The following ULK4 variants were observed in gnomAD, a reference collection of about 807,000 sequenced individuals.
ULK4 encodes inactive serine/threonine-protein kinase ULK4.
A neutral mutation model predicts 160.6 loss-of-function variants in ULK4; 133 were observed. The ratio of observed to expected loss-of-function variants is 0.83; its 90% confidence interval spans 0.72 to 0.96. ULK4 has a LOEUF of 0.96. ULK4 is among the 40% of genes least tolerant of loss of function. The pLI is 0.00. For synonymous variants in ULK4, 534 were observed against 539.8 expected (o/e 0.99, Z 0.15); for missense variants, 1,580 against 1,499.5 (o/e 1.05, Z -0.89).
intron 35 of ULK4, among the ~76,000 whole-genome samples, chr3:41,331,688 A>G (rs1427077214): frequency 6.6e-6 from 1 of 152,212 alleles, no homozygotes; most frequent in East Asian, 1.9e-4. Flanking sequence ...ACCACTCACC[A>G]TCATCTTTGC....
At chr3:41,271,907 T>C (rs920556955) in intron 35 of ULK4, among the ~76,000 whole-genome samples, 20 of 152,108 alleles carry the variant, frequency 1.3e-4, no homozygotes, top group African/African-American at 4.3e-4. Context: ...CCAGATTTCT[T>C]ATTTTTTACT....
At chr3:41,752,406 T>G (rs1168500757) in intron 22 of ULK4, among the ~76,000 whole-genome samples, 1 of 152,022 alleles carries the variant, frequency 6.6e-6, no homozygotes, top group Non-Finnish European at 1.5e-5. Flanking sequence ...GGATTCACCC[T>G]CCCATCTAAA....
At chr3:41,848,387 T>C (rs2042123067) in intron 17 of ULK4, among the ~76,000 whole-genome samples, 1 of 152,194 alleles carries the variant, frequency 6.6e-6, no homozygotes, top group African/African-American at 2.4e-5. Flanking sequence ...AAATCTGCCA[T>C]TTTTTGGTCA....
At chr3:41,387,524 TCCC>T (rs2081846457) in intron 35 of ULK4, among the ~76,000 whole-genome samples, 1 of 152,044 alleles carries the variant, frequency 6.6e-6, no homozygotes. Flanking sequence ...CCCTCCCTAC[TCCC>T]CCAACTCCAC....
intron 32 of ULK4, among the ~76,000 whole-genome samples, chr3:41,495,235 G>A (rs1196239161): frequency 6.6e-6 from 1 of 152,052 alleles, no homozygotes; most frequent in African/African-American, 2.4e-5. Flanking sequence ...CAGAGATATA[G>A]ATCAATGGAA....
intron 35 of ULK4, among the ~76,000 whole-genome samples, chr3:41,259,050 ATATG>A (rs915379686): frequency 1.2e-4 from 16 of 135,646 alleles, no homozygotes; most frequent in African/African-American, 3.8e-4. Flanking sequence ...ATACACACAT[ATATG>A]TATATGTATA....
chr3:41,371,623 G>A (rs191206703), intron 35 of ULK4, among the ~76,000 whole-genome samples: 9 of 152,160 alleles, frequency 5.9e-5, no homozygotes, highest in South Asian at 2.1e-4. Context: ...GGACAACCAC[G>A]CAGACACTCC....
chr3:41,685,993 GAATA>G (rs1476322388), intron 27 of ULK4, among the ~76,000 whole-genome samples: 1 of 152,036 alleles, frequency 6.6e-6, no homozygotes, highest in Non-Finnish European at 1.5e-5. Flanking sequence ...ATCTTAGCAA[GAATA>G]TATATATGGA....
intron 20 of ULK4, among the ~76,000 whole-genome samples, chr3:41,792,208 C>G (rs2125594456): frequency 6.6e-6 from 1 of 152,108 alleles, no homozygotes; most frequent in East Asian, 1.9e-4. Context: ...ATTTTTTTCT[C>G]TATGTCCATG....
At chr3:41,515,766 C>G (rs1473256684) in intron 32 of ULK4, among the ~76,000 whole-genome samples, 2 of 152,138 alleles carry the variant, frequency 1.3e-5, no homozygotes, top group Admixed American at 6.5e-5. Context: ...CTAGTCCCAC[C>G]CTTGATATGT....
intron 32 of ULK4, among the ~76,000 whole-genome samples, chr3:41,471,021 T>C (rs1200907885): frequency 2.0e-5 from 3 of 151,634 alleles, no homozygotes; most frequent in Non-Finnish European, 2.9e-5. Context: ...CAAAAAGACA[T>C]AGAGTAATTG....
chr3:41,656,806 TACAGA>T (rs2034950602), intron 30 of ULK4, among the ~76,000 whole-genome samples: 1 of 152,110 alleles, frequency 6.6e-6, no homozygotes, highest in Non-Finnish European at 1.5e-5. Context: ...AATTCTTAGA[TACAGA>T]ACATAAACAA....
intron 32 of ULK4, among the ~76,000 whole-genome samples, chr3:41,533,243 G>A (rs888022674): frequency 2.0e-5 from 3 of 152,150 alleles, no homozygotes; most frequent in Non-Finnish European, 2.9e-5. Flanking sequence ...GAGCAAATAT[G>A]TGTTATTTTA....
intron 35 of ULK4, chr3:41,259,982 G>A (rs2078910446): frequency 6.6e-6 from 1 of 152,076 alleles, no homozygotes; most frequent in South Asian, 2.1e-4. Flanking sequence ...ACACAGGGGA[G>A]GATTATTTTA....
intron 32 of ULK4, among the ~76,000 whole-genome samples, chr3:41,470,458 T>C (rs1291027937): frequency 6.6e-6 from 1 of 152,198 alleles, no homozygotes. Context: ...AGGCTTGCCT[T>C]ACATGATTGG....
At chr3:41,911,896 TA>T in intron 9 of ULK4, among the ~76,000 whole-genome samples, 1 of 152,264 alleles carries the variant, frequency 6.6e-6, no homozygotes, top group South Asian at 2.1e-4. Context: ...TACACACCTG[TA>T]ATCCCCGCAC....
chr3:41,274,059 A>G (rs2079186913), intron 35 of ULK4, among the ~76,000 whole-genome samples: 1 of 152,168 alleles, frequency 6.6e-6, no homozygotes. Flanking sequence ...AACAAACTAA[A>G]GACACCCTCC....
At position 41,717,820 on chromosome 3, in the gene ULK4, G is replaced by A. The variant is rs1283902876; in HGVS notation, c.2363C>T (p.Pro788Leu). 1 of 1,614,046 alleles carries A rather than the reference G, an allele frequency of 6.2e-7. No individual in the cohort carries two copies. Among genetic ancestry groups the A allele is most frequent in the Non-Finnish European group, 8.5e-7 (1 of 1,179,990 alleles). ...YIERDSRKTT[P>L]GKEQQSGNEY... ...ATTGCCACTTTGCTGCTCCTTGCCT[G>A]GAGTGGTCTTTCTGCTGTCTCTCTC... The change falls in exon 23 of 37, where the codon CCA becomes CTA. Residue 788 changes from proline (P) to leucine (L), a missense_variant. Coordinates refer to ENST00000301831, the MANE Select transcript of ULK4 (RefSeq NM_017886.4).
intron 27 of ULK4, among the ~76,000 whole-genome samples, chr3:41,700,467 G>C (rs2036636761): frequency 6.6e-6 from 1 of 152,180 alleles, no homozygotes; most frequent in Non-Finnish European, 1.5e-5. Context: ...CCTGACAACT[G>C]AGGAGGCTGC....
Sources: allele counts gnomAD v4.1 joint callset (sites outside exome capture counted in the v4.1 genomes callset), GRCh38; gene constraint gnomAD v4.1.1; transcripts MANE v1.5; gene names NCBI Gene and HGNC (gene_info 2026-07-23, HGNC 2026-07-21).